The following RHOT1 variants were observed in gnomAD, a reference collection of about 807,000 sequenced individuals.
RHOT1 encodes the protein ras homolog family member T1, also known as mitochondrial Rho GTPase 1.
A neutral mutation model predicts 95.3 loss-of-function variants in RHOT1; 27 were observed. The observed-to-expected ratio is 0.28, with a 90% confidence interval of 0.21 to 0.39. The LOEUF (loss-of-function observed/expected upper bound fraction) is 0.39, where lower values mean the gene tolerates loss of function less well. Among genes scored for constraint, RHOT1 ranks in the 10% least tolerant of loss-of-function variants. RHOT1 has a pLI of 1.00. For missense variants in RHOT1, 578 were observed against 786.7 expected (o/e 0.73, Z 3.17); for synonymous variants, 227 against 263.5 (o/e 0.86, Z 1.34).
intron 16 of RHOT1, among the ~76,000 whole-genome samples, 191 bp from the exon 17 acceptor site, chr17:32,206,719 C>A (rs1449989986): frequency 6.6e-6 from 1 of 152,060 alleles, no homozygotes; most frequent in Non-Finnish European, 1.5e-5. Flanking sequence ...TCCCAAAGTG[C>A]TGGGATTACA....
intron 7 of RHOT1, 80 bp downstream of exon 7, chr17:32,182,945 TGG>T: frequency 1.1e-6 from 1 of 914,606 alleles, no homozygotes; most frequent in East Asian, 2.5e-5. Context: ...GGGGACAATG[TGG>T]GATGGAATAA....
chr17:32,196,777 G>A (rs2036921168), intron 11 of RHOT1, among the ~76,000 whole-genome samples: 1 of 152,100 alleles, frequency 6.6e-6, no homozygotes, highest in South Asian at 2.1e-4. Context: ...TTTTCATGTG[G>A]CTCCCTAGCA....
chr17:32,218,084 A>T (rs2038595149), intron 19 of RHOT1, among the ~76,000 whole-genome samples: 1 of 152,058 alleles, frequency 6.6e-6, no homozygotes, highest in South Asian at 2.1e-4. Flanking sequence ...GCTGATCTCG[A>T]ACTCCTAACC....
intron 19 of RHOT1, among the ~76,000 whole-genome samples, chr17:32,215,211 A>G (rs989124766): frequency 2.0e-5 from 3 of 152,208 alleles, no homozygotes; most frequent in Admixed American, 2.0e-4. Context: ...TTATTTAAGT[A>G]AAAAGTTTCA....
chr17:32,190,542 T>G (rs149239658), intron 8 of RHOT1, among the ~76,000 whole-genome samples: 1 of 152,336 alleles, frequency 6.6e-6, no homozygotes, highest in East Asian at 1.9e-4. Flanking sequence ...GAAAAATCAC[T>G]TAGACAAAAT....
chr17:32,216,865 G>A (rs1426083911), intron 19 of RHOT1, among the ~76,000 whole-genome samples: 4 of 152,090 alleles, frequency 2.6e-5, no homozygotes, highest in Non-Finnish European at 5.9e-5. Flanking sequence ...AAAATATTTT[G>A]TCCAAGGAAG....
At chr17:32,162,095 G>A (rs1258248564) in intron 1 of RHOT1, among the ~76,000 whole-genome samples, 10 of 152,134 alleles carry the variant, frequency 6.6e-5, no homozygotes, top group Admixed American at 3.9e-4. Context: ...CATTGGCCAC[G>A]TGCTTGACTC....
rs771119028 is a variant in RHOT1 at position 32,208,116 on chromosome 17, A to T, written c.1546A>T (p.Met516Leu). ...ATTTTTTATTCCATAGCAACACTTTATGGACAGCAGAATACCTTGCTTAAT... is the reference window on the plus strand; with the variant it reads ...ATTTTTTATTCCATAGCAACACTTTTTGGACAGCAGAATACCTTGCTTAAT... ...YCARIFKQHF[M>L]DSRIPCLIVA... Residue 516 changes from methionine to leucine, a missense_variant, in exon 18 of 20, where the codon ATG (methionine) becomes TTG (leucine). Met to Leu is a conservative substitution (Grantham distance 15). Coordinates refer to ENST00000545287, the MANE Select transcript of RHOT1 (RefSeq NM_001033566.3). The T allele has an allele frequency of 6.2e-7, 1 of 1,613,806 alleles. No individual in the cohort carries two copies. Among genetic ancestry groups the T allele is most frequent in the African/African-American group, 1.3e-5 (1 of 75,050 alleles).
intron 15 of RHOT1, among the ~76,000 whole-genome samples, 181 bp from the exon 16 acceptor site, chr17:32,203,709 A>G (rs1390301880): frequency 6.6e-6 from 1 of 152,158 alleles, no homozygotes; most frequent in Non-Finnish European, 1.5e-5. Context: ...TACATCTTTT[A>G]TTTTAGGTCT....
intron 1 of RHOT1, among the ~76,000 whole-genome samples, chr17:32,143,758 A>G (rs1475163466): frequency 6.6e-6 from 1 of 152,236 alleles, no homozygotes; most frequent in Non-Finnish European, 1.5e-5. Context: ...TGTTTGTTTT[A>G]AAGAGTTAAT....
chr17:32,216,754 G>A (rs2038501086), intron 19 of RHOT1, among the ~76,000 whole-genome samples: 1 of 152,036 alleles, frequency 6.6e-6, no homozygotes, highest in Non-Finnish European at 1.5e-5. Context: ...AAAATGAACT[G>A]CTTTTTCATA....
At chr17:32,218,676 T>C (rs1329733500) in intron 19 of RHOT1, among the ~76,000 whole-genome samples, 1 of 152,014 alleles carries the variant, frequency 6.6e-6, no homozygotes, top group South Asian at 2.1e-4. Flanking sequence ...TAGCCAGGTA[T>C]GGTAGCACGC....
Position 32,199,501 on chromosome 17 carries a change from A to G in RHOT1, c.1051A>G (p.Thr351Ala). Residue 351 changes from threonine to alanine, a missense_variant, in exon 13 of 20, where the codon ACC becomes GCC. Thr to Ala is a moderately conservative substitution (Grantham distance 58, BLOSUM62 0). Transcript: ENST00000545287. ...GCCAGATGTGAATAACACAGTTTGT[A>G]CCAATGAAAGAGGCTGGATAACCTA... ...WGPDVNNTVC[T>A]NERGWITYQG... 6.2e-7 allele frequency: 1 copy of G among 1,613,014 alleles called. No homozygotes were observed. The highest frequency in any genetic ancestry group is 8.5e-7 in the Non-Finnish European group (1 of 1,179,754).
chr17:32,194,892 G>A (rs1567704838), intron 11 of RHOT1, among the ~76,000 whole-genome samples: 1 of 144,572 alleles, frequency 6.9e-6, no homozygotes, highest in South Asian at 2.2e-4. Flanking sequence ...GCAGTGTCAC[G>A]ATCTTGGCTC....
chr17:32,200,824 A>G (rs1598426529), intron 13 of RHOT1, 132 bp from the exon 14 acceptor site: 1 of 603,602 alleles, frequency 1.7e-6, no homozygotes, highest in East Asian at 3.0e-5. Flanking sequence ...GGTTGGGCTC[A>G]TAGGAAATTA....
chr17:32,178,406 G>C (rs1317781376), intron 6 of RHOT1, among the ~76,000 whole-genome samples: 1 of 152,070 alleles, frequency 6.6e-6, no homozygotes, highest in Non-Finnish European at 1.5e-5. Context: ...TGACCGGGCT[G>C]GTCTCCAGCT....
At chr17:32,172,679 A>G (rs1293683743) in intron 2 of RHOT1, among the ~76,000 whole-genome samples, 1 of 152,150 alleles carries the variant, frequency 6.6e-6, no homozygotes, top group Non-Finnish European at 1.5e-5. Context: ...GTAAAATACA[A>G]AATTAGCCAG....
rs190726018 is a variant in RHOT1 at position 32,164,047 on chromosome 17, A to G, written c.38-6996A>G. On this transcript the variant is annotated intron_variant, in intron 1 of 19. Coordinates refer to ENST00000545287, the MANE Select transcript of RHOT1 (RefSeq NM_001033566.3). ...GTGTGCACCTGTAGTCCCAGCTACTAGGGAGGCTGAGGCAGGAGAATTGCT... is the reference window on the plus strand; with the variant it reads ...GTGTGCACCTGTAGTCCCAGCTACTGGGGAGGCTGAGGCAGGAGAATTGCT... Among the ~76,000 whole-genome samples, 970 of 151,466 alleles carry G rather than the reference A, an allele frequency of 6.4e-3. 8 individuals carry two copies. Among genetic ancestry groups the G allele is most frequent in the African/African-American group, 0.022 (913 of 41,396 alleles).
chr17:32,183,225 G>A lies in RHOT1; in HGVS notation c.493G>A (p.Ala165Thr). 6.4e-7 allele frequency: 1 copy of A among 1,555,202 alleles called. No individual in the cohort carries two copies. The highest frequency in any genetic ancestry group is 8.7e-7 in the Non-Finnish European group (1 of 1,147,786). ...AGAGCTCTTTTATTACGCACAGAAAGCTGTTCTTCATCCTACAGGGCCCCT... is the reference window on the plus strand; with the variant it reads ...AGAGCTCTTTTATTACGCACAGAAAACTGTTCTTCATCCTACAGGGCCCCT... ...ISELFYYAQKAVLHPTGPLYC... is the reference protein window; with the variant it reads ...ISELFYYAQKTVLHPTGPLYC... The change falls in exon 8 of 20, where the codon GCT becomes ACT. Residue 165 changes from alanine (A) to threonine (T), a missense_variant. Ala to Thr is a moderately conservative substitution (Grantham distance 58, BLOSUM62 0). This residue lies in a region of RHOT1 where 227 missense variants were observed against 316.0 expected (regional missense o/e 0.72). Coordinates refer to ENST00000545287, the MANE Select transcript of RHOT1 (RefSeq NM_001033566.3).
Sources: allele counts gnomAD v4.1 joint callset (sites outside exome capture counted in the v4.1 genomes callset), GRCh38; gene constraint gnomAD v4.1.1; regional missense constraint gnomAD v4.1.1; transcripts MANE v1.5; gene names NCBI Gene and HGNC (gene_info 2026-07-23, HGNC 2026-07-21).